ATG3: variants seen among roughly 807,000 people sequenced by gnomAD.
ATG3 encodes autophagy related 3, also known as ubiquitin-like-conjugating enzyme ATG3.
In ATG3, 25 loss-of-function variants were observed where a neutral mutation model predicts 50.7. The ratio of observed to expected loss-of-function variants is 0.49; its 90% CI spans 0.36 to 0.69. The LOEUF (loss-of-function observed/expected upper bound fraction) is 0.69. ATG3 is among the 30% of genes least tolerant of loss of function. The pLI, the probability that ATG3 is intolerant of heterozygous loss-of-function variation, is 0.00. For synonymous variants in ATG3, 119 were observed against 125.5 expected, an observed-to-expected ratio of 0.95 and a Z score of 0.34; for missense variants, 281 against 376.0, an observed-to-expected ratio of 0.75 and a Z score of 2.09.
chr3:112,534,080 A>G (rs1216387333), intron 11 of ATG3, 189 bp downstream of exon 11: 7 of 1,325,546 alleles, frequency 5.3e-6, no homozygotes, highest in Non-Finnish European at 6.7e-6. Flanking sequence ...ACATGTTCTA[A>G]TCAACTAAGC....
At chr3:112,550,157 G>A (rs377184611) in intron 4 of ATG3, 35 bp downstream of exon 4, 38 of 1,505,220 alleles carry the variant, frequency 2.5e-5, no homozygotes, top group African/African-American at 1.1e-4. Flanking sequence ...ATACCTCTAC[G>A]CAAAATTTAT....
At chr3:112,532,969 T>C in intron 11 of ATG3, 189 bp from the exon 12 acceptor site, 1 of 1,240,546 alleles carries the variant, frequency 8.1e-7, no homozygotes, top group South Asian at 2.3e-5. Flanking sequence ...TAAGACTACC[T>C]GACCACTCAT....
At chr3:112,545,543 G>A (rs765049250) in intron 5 of ATG3, among the ~76,000 whole-genome samples, 3 of 152,076 alleles carry the variant, frequency 2.0e-5, no homozygotes, top group Non-Finnish European at 2.9e-5. Context: ...AAAATCCACA[G>A]GTCTAGCACA....
intron 7 of ATG3, among the ~76,000 whole-genome samples, chr3:112,540,848 C>A (rs554837884): frequency 1.2e-4 from 19 of 152,226 alleles, no homozygotes; most frequent in African/African-American, 4.3e-4. Context: ...AAAGAGGTCA[C>A]CCTGGTGACA....
chr3:112,559,807 T>C (rs1210611110), intron 1 of ATG3, among the ~76,000 whole-genome samples: 3 of 152,210 alleles, frequency 2.0e-5, no homozygotes, highest in Non-Finnish European at 4.4e-5. Context: ...AGCAGAACCT[T>C]AGAGATGATT....
chr3:112,546,366 A>ATGG (rs1933370266), intron 5 of ATG3, among the ~76,000 whole-genome samples: 1 of 152,208 alleles, frequency 6.6e-6, no homozygotes, highest in Non-Finnish European at 1.5e-5. Flanking sequence ...TGGGTAGCAT[A>ATGG]TACAGCATGC....
intron 6 of ATG3, among the ~76,000 whole-genome samples, chr3:112,543,479 T>C (rs1357986036): frequency 1.3e-5 from 2 of 152,126 alleles, no homozygotes; most frequent in Non-Finnish European, 2.9e-5. Context: ...TAAGCTTCTA[T>C]TCATTCAAAA....
intron 3 of ATG3, among the ~76,000 whole-genome samples, chr3:112,550,896 T>C (rs974957440): frequency 1.3e-5 from 2 of 152,190 alleles, no homozygotes; most frequent in African/African-American, 4.8e-5. Context: ...CTCTAAACAG[T>C]AGAACATATA....
chr3:112,555,804 C>T (rs1933655312), intron 2 of ATG3, among the ~76,000 whole-genome samples: 1 of 152,180 alleles, frequency 6.6e-6, no homozygotes, highest in Non-Finnish European at 1.5e-5. Flanking sequence ...GCCAGCTGGG[C>T]TAATTTGGCC....
chr3:112,559,644 CTGT>C (rs901868544), intron 1 of ATG3, among the ~76,000 whole-genome samples: 3 of 152,186 alleles, frequency 2.0e-5, no homozygotes, highest in African/African-American at 4.8e-5. Flanking sequence ...TGCCATAAGG[CTGT>C]TAAGTGCGAA....
chr3:112,540,499 T>C (rs1314197884), intron 7 of ATG3, among the ~76,000 whole-genome samples: 3 of 152,196 alleles, frequency 2.0e-5, no homozygotes, highest in Non-Finnish European at 4.4e-5. Context: ...TATAAATATA[T>C]TCATATTTCA....
intron 3 of ATG3, among the ~76,000 whole-genome samples, chr3:112,551,935 T>G (rs1933540798): frequency 6.6e-6 from 1 of 152,076 alleles, no homozygotes; most frequent in Admixed American, 6.5e-5. Flanking sequence ...AACTTGAAAC[T>G]TTAGTCTTTT....
At chr3:112,545,706 C>G (rs949267796) in intron 5 of ATG3, among the ~76,000 whole-genome samples, 18 of 151,956 alleles carry the variant, frequency 1.2e-4, no homozygotes, top group Non-Finnish European at 2.4e-4. Context: ...ATAAGTAGTA[C>G]GCCATTAAAA....
intron 2 of ATG3, among the ~76,000 whole-genome samples, chr3:112,556,860 C>T (rs7372782): frequency 0.064 from 9,737 of 151,060 alleles, 397 homozygotes; most frequent in Admixed American, 0.11. Context: ...CACTCCCTAA[C>T]CTCAAGTACC....
At chr3:112,538,032 TAATC>T in intron 8 of ATG3, 110 bp downstream of exon 8, 1 of 1,200,250 alleles carries the variant, frequency 8.3e-7, no homozygotes, top group Non-Finnish European at 1.2e-6. Flanking sequence ...TTATATGCTA[TAATC>T]AATATGAACA....
At chr3:112,534,104 C>T (rs1476806058) in intron 11 of ATG3, 165 bp downstream of exon 11, 1 of 1,370,268 alleles carries the variant, frequency 7.3e-7, no homozygotes. Flanking sequence ...GCATAACTAT[C>T]ACAATATAAC....
intron 11 of ATG3, chr3:112,533,242 G>A (rs1281408952): frequency 8.1e-6 from 8 of 984,974 alleles, no homozygotes; most frequent in Non-Finnish European, 9.6e-6. Flanking sequence ...GCCAAAGACT[G>A]AGCTCTACTG....
chr3:112,532,839 T>C (rs1032112349), intron 11 of ATG3, 59 bp from the exon 12 acceptor site: 5 of 1,482,360 alleles, frequency 3.4e-6, no homozygotes, highest in East Asian at 2.4e-5. Context: ...TTTAAGCCCA[T>C]GTTGTAATTA....
chr3:112,558,499 G>T, intron 1 of ATG3, 82 bp from the exon 2 acceptor site: 1 of 1,144,608 alleles, frequency 8.7e-7, no homozygotes, highest in Non-Finnish European at 1.3e-6. Flanking sequence ...TATTTGCCTG[G>T]TGCCCTTCTA....
Sources: gnomAD v4.1 joint callset for allele counts (sites outside exome capture counted in the v4.1 genomes callset) on GRCh38, gnomAD v4.1.1 for gene constraint, MANE v1.5 for transcripts, NCBI Gene and HGNC (gene_info 2026-07-23, HGNC 2026-07-21) for gene names.